The following COL26A1 variants were observed in gnomAD, a reference collection of about 807,000 sequenced individuals.
COL26A1 encodes collagen alpha-1(XXVI) chain.
Under a neutral mutation model 59.3 loss-of-function variants are expected in COL26A1, and 41 were observed. The ratio of observed to expected loss-of-function variants is 0.69; its 90% CI spans 0.54 to 0.90. COL26A1 has a LOEUF of 0.90. COL26A1 is among the 40% of genes least tolerant of loss of function. COL26A1 has a pLI of 0.00. For missense variants in COL26A1, 612 were observed against 602.3 expected (o/e 1.02, Z -0.17); for synonymous variants, 266 against 256.0 (o/e 1.04, Z -0.37).
At position 101,447,785 on chromosome 7, in the gene COL26A1, A is replaced by G; in HGVS notation, c.383A>G (p.Glu128Gly). Reference sequence around the variant, plus strand: ...GGCTTCACCGGGAGCAACTGTGATGAGGGTAAGTTGGCAGGCACTTGGGCT... The same window carrying G: ...GGCTTCACCGGGAGCAACTGTGATGGGGGTAAGTTGGCAGGCACTTGGGCT... ...CPGFTGSNCD[E>G]ECMNCTRLSD... The change falls in exon 3 of 13, where the codon GAG becomes GGG. Residue 128 changes from glutamate (E) to glycine (G), a missense_variant and splice_region_variant. By Grantham distance (98) the Glu-to-Gly change is moderately conservative. Coordinates refer to ENST00000313669, the MANE Select transcript of COL26A1 (RefSeq NM_001278563.3). The G allele has an allele frequency of 6.3e-7, 1 of 1,595,040 alleles. No homozygotes were observed. Among genetic ancestry groups the G allele is most frequent in the Non-Finnish European group, 8.5e-7 (1 of 1,170,228 alleles).
At chr7:101,372,524 G>A (rs62465626) in intron 1 of COL26A1, among the ~76,000 whole-genome samples, 32,767 of 152,028 alleles carry the variant, frequency 0.22, 3,953 homozygotes, top group East Asian at 0.49. Flanking sequence ...TGTTCTAGTG[G>A]ATAGAGACTA....
chr7:101,420,342 C>T (rs920968339), intron 2 of COL26A1, among the ~76,000 whole-genome samples: 17 of 106,784 alleles, frequency 1.6e-4, no homozygotes, highest in Non-Finnish European at 2.8e-4. Flanking sequence ...GGGTGTTTGA[C>T]AGACAGAAGA....
At position 101,547,224 on chromosome 7, in the gene COL26A1, C is replaced by A. The variant is rs754486613; in HGVS notation, c.925C>A (p.Pro309Thr). The change falls in exon 8 of 13, where the codon CCC becomes ACC. Residue 309 changes from proline (P) to threonine (T), a missense_variant. Transcript: ENST00000313669. ...GGCAGGTGTCCCAGGACCCCGGGGT[C>A]CCCCTGGTCCACCAGGTAAGTGAAT... ...VLAGVPGPRGPPGPPGPPGPR... is the reference protein window; with the variant it reads ...VLAGVPGPRGTPGPPGPPGPR... The A allele has an allele frequency of 2.6e-5, 41 of 1,581,604 alleles. No homozygotes were observed. The highest frequency in any genetic ancestry group is 3.5e-5 in the Non-Finnish European group (41 of 1,165,498).
At chr7:101,397,125 C>G (rs938406668) in intron 1 of COL26A1, among the ~76,000 whole-genome samples, 1 of 152,152 alleles carries the variant, frequency 6.6e-6, no homozygotes, top group Non-Finnish European at 1.5e-5. Flanking sequence ...TGTCCCTCCC[C>G]GGCAGAACCA....
intron 3 of COL26A1, among the ~76,000 whole-genome samples, chr7:101,482,437 G>A (rs56241841): frequency 0.12 from 18,900 of 152,200 alleles, 2,258 homozygotes; most frequent in African/African-American, 0.31. Context: ...AGAAGGAAGT[G>A]GCAGAAAGGC....
chr7:101,437,470 G>C (rs574627416), intron 2 of COL26A1, among the ~76,000 whole-genome samples: 1 of 151,932 alleles, frequency 6.6e-6, no homozygotes, highest in Non-Finnish European at 1.5e-5. Context: ...GAATGGGGGC[G>C]GGGAGGAGCT....
chr7:101,362,932 G>T lies in COL26A1; in HGVS notation c.-101G>T. ...TCCGACCGCTCGCCCCGCTCCTCTC[G>T]CTGTGCTCCCGGCCGGTGCCGCGGG... is the stretch of plus-strand genomic sequence containing the variant. On this transcript the variant is annotated 5_prime_UTR_variant, in exon 1 of 13. Transcript: ENST00000313669. 7.9e-7 allele frequency: 1 copy of T among 1,260,386 alleles called. No homozygotes were observed. Among genetic ancestry groups the T allele is most frequent in the South Asian group, 1.6e-5 (1 of 64,000 alleles). The allele number at this position is 1,260,386 out of a possible 1,614,324, so 78.1% of individuals were successfully genotyped here. A position where few individuals can be genotyped will look rare whatever the true frequency, so the allele number is the denominator to read the frequency against.
At chr7:101,454,289 G>T in intron 3 of COL26A1, among the ~76,000 whole-genome samples, 1 of 111,998 alleles carries the variant, frequency 8.9e-6, no homozygotes. Flanking sequence ...TTTTGTTATG[G>T]AGTCTCGCTC....
intron 1 of COL26A1, among the ~76,000 whole-genome samples, chr7:101,403,623 C>CT (rs1196514084): frequency 6.6e-6 from 1 of 152,170 alleles, no homozygotes; most frequent in Non-Finnish European, 1.5e-5. Flanking sequence ...AGTGATGCTC[C>CT]TGCCTCGACC....
intron 1 of COL26A1, among the ~76,000 whole-genome samples, chr7:101,413,681 A>T (rs1410655845): frequency 1.3e-5 from 2 of 152,192 alleles, no homozygotes; most frequent in East Asian, 3.9e-4. Flanking sequence ...GGGAGAAGGG[A>T]AGGGAAATGA....
chr7:101,509,843 TCA>T (rs752803080), intron 3 of COL26A1, among the ~76,000 whole-genome samples: 74 of 152,024 alleles, frequency 4.9e-4, no homozygotes, highest in Admixed American at 1.0e-3. Context: ...TTCTTCTGCC[TCA>T]GTCTCCTGAG....
At chr7:101,379,446 T>C (rs985178687) in intron 1 of COL26A1, among the ~76,000 whole-genome samples, 4 of 152,168 alleles carry the variant, frequency 2.6e-5, no homozygotes, top group African/African-American at 9.7e-5. Flanking sequence ...CTCTTGGTGC[T>C]CTGCTCACCA....
chr7:101,443,876 T>TC (rs1361717546), intron 2 of COL26A1, among the ~76,000 whole-genome samples: 198 of 149,860 alleles, frequency 1.3e-3, no homozygotes, highest in African/African-American at 4.5e-3. Context: ...TCTTTTCTTT[T>TC]TTTTTTTTTT....
chr7:101,455,548 G>T (rs1330422269), intron 3 of COL26A1, among the ~76,000 whole-genome samples: 1 of 142,582 alleles, frequency 7.0e-6, no homozygotes, highest in East Asian at 2.0e-4. Flanking sequence ...TGTAGCCCAG[G>T]CTGGAGTGCA....
intron 3 of COL26A1, among the ~76,000 whole-genome samples, chr7:101,509,525 C>T (rs905051959): frequency 1.3e-5 from 2 of 152,190 alleles, no homozygotes; most frequent in Admixed American, 6.5e-5. Context: ...GCAATGGCAT[C>T]TCACTAAGGC....
At chr7:101,376,430 G>A (rs995354806) in intron 1 of COL26A1, among the ~76,000 whole-genome samples, 7 of 152,184 alleles carry the variant, frequency 4.6e-5, no homozygotes, top group East Asian at 1.9e-4. Flanking sequence ...GTGAGATGCT[G>A]TTGTGGATGG....
intron 10 of COL26A1, among the ~76,000 whole-genome samples, chr7:101,552,175 C>A (rs548645548): frequency 6.6e-6 from 1 of 152,278 alleles, no homozygotes; most frequent in South Asian, 2.1e-4. Context: ...AGCTCATTGT[C>A]CCTATTGATT....
At chr7:101,489,683 T>TTCTG (rs1184601216) in intron 3 of COL26A1, among the ~76,000 whole-genome samples, 1,442 of 20,076 alleles carry the variant, frequency 0.072, 335 homozygotes, top group African/African-American at 0.16. Flanking sequence ...CTTCCTTCCT[T>TTCTG]TCTTTCTTTC....
At chr7:101,458,788 G>C (rs928255793) in intron 3 of COL26A1, among the ~76,000 whole-genome samples, 49 of 149,812 alleles carry the variant, frequency 3.3e-4, no homozygotes, top group African/African-American at 1.2e-3. Context: ...GGCCAGTGTA[G>C]AACTGAAACC....
Sources: allele counts gnomAD v4.1 joint callset (sites outside exome capture counted in the v4.1 genomes callset), GRCh38; gene constraint gnomAD v4.1.1; transcripts MANE v1.5; gene names NCBI Gene and HGNC (gene_info 2026-07-23, HGNC 2026-07-21).